Variants in HYAL4 observed in about 807,000 individuals in gnomAD.
HYAL4 encodes hyaluronidase 4.
Under a neutral mutation model 35.2 loss-of-function variants are expected in HYAL4, and 37 were observed. The observed-to-expected ratio is 1.05, with a 90% CI of 0.81 to 1.38. HYAL4 has a LOEUF of 1.38. Among genes scored for constraint, HYAL4 ranks in the 40% most tolerant of loss-of-function variants. HYAL4 has a pLI of 0.00. For missense variants in HYAL4, 572 were observed against 572.4 expected, an observed-to-expected ratio of 1.00 and a Z score of 0.01; for synonymous variants, 198 against 203.2, an observed-to-expected ratio of 0.97 and a Z score of 0.22.
At chr7:123,860,119 G>A (rs183783861) in intron 2 of HYAL4, among the ~76,000 whole-genome samples, 32 of 152,310 alleles carry the variant, frequency 2.1e-4, no homozygotes, top group African/African-American at 7.5e-4. Flanking sequence ...GGTTTTATAA[G>A]TGTTTGGAAG....
chr7:123,840,067 C>G (rs534948406), upstream of HYAL4, among the ~76,000 whole-genome samples: 4 of 152,340 alleles, frequency 2.6e-5, no homozygotes, highest in Non-Finnish European at 4.4e-5. Flanking sequence ...TTGCCCATGC[C>G]TATGGCTTGA....
At chr7:123,793,164 G>T in the HYAL4 span, among the ~76,000 whole-genome samples, 1 of 152,220 alleles carries the variant, frequency 6.6e-6, no homozygotes, top group Non-Finnish European at 1.5e-5. Flanking sequence ...ACAGGAAGCT[G>T]TGCTATCCAG....
chr7:123,842,373 G>C (rs1806088129), upstream of HYAL4, among the ~76,000 whole-genome samples: 1 of 151,886 alleles, frequency 6.6e-6, no homozygotes, highest in Admixed American at 6.6e-5. Flanking sequence ...AGTTTGTTGT[G>C]ATTTCTGTTC....
At chr7:123,857,675 TTC>T (rs1415846098) in intron 2 of HYAL4, among the ~76,000 whole-genome samples, 1 of 77,234 alleles carries the variant, frequency 1.3e-5, no homozygotes, top group Non-Finnish European at 3.1e-5. Context: ...GTTTGTTTCT[TTC>T]TTTCTTTCTT....
chr7:123,820,719 G>T, the HYAL4 span, among the ~76,000 whole-genome samples: 3 of 152,088 alleles, frequency 2.0e-5, no homozygotes, highest in Admixed American at 2.0e-4. Context: ...TCTCGAACTT[G>T]TTTATCTAGC....
chr7:123,823,856 A>G, the HYAL4 span, among the ~76,000 whole-genome samples: 4 of 151,986 alleles, frequency 2.6e-5, no homozygotes, highest in South Asian at 2.1e-4. Flanking sequence ...TTTTCACAAA[A>G]TAACTACTAC....
intron 1 of HYAL4, among the ~76,000 whole-genome samples, chr7:123,832,479 CTTTTTTTTTTTTTTTTTTT>C (rs71163703): frequency 1.5e-3 from 32 of 21,842 alleles, no homozygotes; most frequent in East Asian, 3.4e-3. Context: ...TTGTGTCATA[CTTTTTTTTTTTTTTTTTTT>C]TTTTTTTTTT....
intron 3 of HYAL4, among the ~76,000 whole-genome samples, chr7:123,871,138 T>C (rs1806870477): frequency 6.6e-6 from 1 of 152,114 alleles, no homozygotes; most frequent in Non-Finnish European, 1.5e-5. Flanking sequence ...CCAAGTGTTT[T>C]AAACTATAAG....
At chr7:123,804,640 A>G in the HYAL4 span, among the ~76,000 whole-genome samples, 1 of 151,972 alleles carries the variant, frequency 6.6e-6, no homozygotes, top group Admixed American at 6.5e-5. Flanking sequence ...TCCCACACAT[A>G]CATTCCATGT....
At chr7:123,870,737 G>A (rs948924710) in intron 3 of HYAL4, among the ~76,000 whole-genome samples, 3 of 150,640 alleles carry the variant, frequency 2.0e-5, no homozygotes, top group Admixed American at 6.6e-5. Context: ...TCCAGCCTGG[G>A]CGACAGAGCG....
chr7:123,821,954 T>C, the HYAL4 span, among the ~76,000 whole-genome samples: 1 of 152,198 alleles, frequency 6.6e-6, no homozygotes, highest in African/African-American at 2.4e-5. Flanking sequence ...CAGTTGATCA[T>C]ATATGTGTAG....
At chr7:123,835,277 G>T (rs1016175908) in intron 1 of HYAL4, among the ~76,000 whole-genome samples, 1 of 151,994 alleles carries the variant, frequency 6.6e-6, no homozygotes, top group Non-Finnish European at 1.5e-5. Flanking sequence ...GGTCTGTTCA[G>T]GGTATCTAAT....
At chr7:123,796,477 G>A in the HYAL4 span, among the ~76,000 whole-genome samples, 1 of 152,270 alleles carries the variant, frequency 6.6e-6, no homozygotes, top group African/African-American at 2.4e-5. Flanking sequence ...AAAAACTGAG[G>A]CATAATTTGC....
intron 1 of HYAL4, among the ~76,000 whole-genome samples, chr7:123,838,103 C>T (rs1276511782): frequency 6.6e-6 from 1 of 152,144 alleles, no homozygotes; most frequent in Admixed American, 6.6e-5. Context: ...CACTGACTTC[C>T]ACAATGGTTG....
the HYAL4 span, among the ~76,000 whole-genome samples, chr7:123,771,419 T>G: frequency 6.6e-6 from 1 of 152,184 alleles, no homozygotes; most frequent in African/African-American, 2.4e-5. Context: ...TGGGGCTGTC[T>G]GTGCGTTGGA....
chr7:123,785,945 AAAC>A, the HYAL4 span, among the ~76,000 whole-genome samples: 11 of 71,118 alleles, frequency 1.5e-4, no homozygotes, highest in South Asian at 3.5e-3. The surrounding 1 kb of genome is among the most constrained non-coding windows in gnomAD (Gnocchi z 4.5). Context: ...AGAAACAAGA[AAAC>A]AAAACAAAAC....
chr7:123,873,187 C>T (rs1806926795), intron 3 of HYAL4, among the ~76,000 whole-genome samples: 2 of 152,120 alleles, frequency 1.3e-5, no homozygotes, highest in Non-Finnish European at 1.5e-5. Flanking sequence ...CCTCCTCTGT[C>T]CCTGTTCATC....
intron 3 of HYAL4, among the ~76,000 whole-genome samples, chr7:123,871,400 C>T (rs1173148710): frequency 6.6e-6 from 1 of 152,062 alleles, no homozygotes; most frequent in African/African-American, 2.4e-5. Context: ...CCGTGTTGGC[C>T]AGGCTGGTTT....
chr7:123,848,267 T>C (rs1417327368), intron 2 of HYAL4, 109 bp downstream of exon 2: 1 of 152,468 alleles, frequency 6.6e-6, no homozygotes, highest in Non-Finnish European at 1.5e-5. Context: ...TCAATTTCTT[T>C]TGCAGCCTAA....
Sources: allele counts gnomAD v4.1 joint callset (sites outside exome capture counted in the v4.1 genomes callset), GRCh38; gene constraint gnomAD v4.1.1; non-coding constraint Gnocchi (gnomAD v3.1); transcripts MANE v1.5; gene names NCBI Gene and HGNC (gene_info 2026-07-23, HGNC 2026-07-21).